CLN6: variants seen among roughly 807,000 people sequenced by gnomAD.
The protein encoded by CLN6 is CLN6 transmembrane ER protein, also known as ceroid-lipofuscinosis neuronal protein 6.
In CLN6, 22 loss-of-function variants were observed where a neutral mutation model predicts 33.3. The ratio of observed to expected loss-of-function variants is 0.66; its 90% confidence interval spans 0.47 to 0.94. The LOEUF (loss-of-function observed/expected upper bound fraction) is 0.94, where lower values mean the gene tolerates loss of function less well. Ranked by LOEUF, CLN6 falls within the 40% of genes least tolerant of loss-of-function variation. The pLI is 0.00. For synonymous variants in CLN6, 201 were observed against 174.6 expected, an observed-to-expected ratio of 1.15 and a Z score of -1.19; for missense variants, 387 against 417.1, an observed-to-expected ratio of 0.93 and a Z score of 0.63.
Position 68,211,716 on chromosome 15 carries a change from G to A in CLN6, c.445C>T (p.Arg149Cys), listed in dbSNP as rs747229909. The A allele has an allele frequency of 2.2e-5, 36 of 1,613,806 alleles. No homozygotes were observed. Among genetic ancestry groups the A allele is most frequent in the East Asian group, 6.7e-5 (3 of 44,882 alleles). ...FSGYQHHLSV[R>C]ENPIIKNLKP... ...AGATTCTTGATGATGGGGTTCTCACGGACAGACAGGTGGTGCTGGTAGCCA... is the reference window on the plus strand; with the variant it reads ...AGATTCTTGATGATGGGGTTCTCACAGACAGACAGGTGGTGCTGGTAGCCA... Residue 149 changes from arginine to cysteine, a missense_variant, in exon 4 of 7, where the codon CGT becomes TGT. Arg to Cys is a radical substitution (Grantham distance 180, BLOSUM62 -3). Coordinates refer to ENST00000249806, the MANE Select transcript of CLN6 (RefSeq NM_017882.3). This position sits in a 1 kb window ranked among gnomAD's most constrained non-coding sequence, Gnocchi z 5.9.
upstream of CLN6, among the ~76,000 whole-genome samples, chr15:68,233,197 C>A (rs1892182266): frequency 6.6e-6 from 1 of 151,974 alleles, no homozygotes; most frequent in Non-Finnish European, 1.5e-5. This position sits in a 1 kb window ranked among gnomAD's most constrained non-coding sequence, Gnocchi z 4.3. Context: ...AGCCACCACA[C>A]TCCCCAATAC....
rs1892442904 is a variant in CLN6, at chr15:68,256,839, TC to T, written c.29del (p.Arg10GlnfsTer24). On this transcript the variant is annotated frameshift_variant, in exon 1 of 7. Coordinates refer to the CLN6 transcript ENST00000538696. LOFTEE classifies it high-confidence loss of function. This position sits in a 1 kb window ranked among gnomAD's most constrained non-coding sequence, Gnocchi z 4.1. ...TCTCTGGCCGGGGCCTGCCTCTCGC[TC>T]GCCGCTCCTTCCCGGCAACGGCTGC... The T allele has an allele frequency of 1.5e-6, 1 of 662,002 alleles. No individual in the cohort carries two copies. 41.0% of individuals were successfully genotyped at this position (662,002 alleles called of 1,614,324 possible). A position where few individuals can be genotyped will look rare whatever the true frequency, so the allele number is the denominator to read the frequency against.
chr15:68,254,557 G>C (rs1016780469), intron 1 of CLN6: 5 of 495,268 alleles, frequency 1.0e-5, no homozygotes, highest in African/African-American at 9.7e-5. Flanking sequence ...GTGTGAAAAA[G>C]AGGTGAGAAC....
intron 1 of CLN6, among the ~76,000 whole-genome samples, chr15:68,225,287 T>A (rs2093248597): frequency 6.6e-6 from 1 of 152,240 alleles, no homozygotes; most frequent in African/African-American, 2.4e-5. Context: ...ATTTATTAAA[T>A]ACATGGCTTA....
Position 68,208,197 on chromosome 15 carries a change from G to A in CLN6, c.879C>T (p.Val293=), listed in dbSNP as rs1410550561. Residue 293 remains valine (V), a synonymous_variant, in exon 7 of 7, where the codon GTC becomes GTT. Coordinates refer to ENST00000249806, the MANE Select transcript of CLN6 (RefSeq NM_017882.3). This position sits in a 1 kb window ranked among gnomAD's most constrained non-coding sequence, Gnocchi z 5.8. Reference sequence around the variant, plus strand: ...AAGCCCAGGGCTCAGGGACGTAGATGACACCCGGGTACTTCTTCCTGAGAA... The same window carrying A: ...AAGCCCAGGGCTCAGGGACGTAGATAACACCCGGGTACTTCTTCCTGAGAA... ...DPVLRKKYPG[V]IYVPEPWAFY... is the part of the protein sequence containing the mutation. 18 of 1,605,798 alleles carry A rather than the reference G, an allele frequency of 1.1e-5. No individual in the cohort carries two copies. Among genetic ancestry groups the A allele is most frequent in the Non-Finnish European group, 1.5e-5 (18 of 1,175,044 alleles).
chr15:68,251,936 CGTGTGTATGTGT>C (rs1462093895), intron 1 of CLN6, among the ~76,000 whole-genome samples: 5 of 140,164 alleles, frequency 3.6e-5, no homozygotes, highest in Non-Finnish European at 7.7e-5. Flanking sequence ...CTAGCATGTG[CGTGTGTATGTGT>C]GTGTGTGTAT....
At chr15:68,218,866 A>G (rs2093227893) in intron 1 of CLN6, among the ~76,000 whole-genome samples, 1 of 152,144 alleles carries the variant, frequency 6.6e-6, no homozygotes, top group African/African-American at 2.4e-5. Context: ...CTTCTCTCTG[A>G]TTCAGGAAGG....
chr15:68,226,611 C>T (rs979938580), intron 1 of CLN6, among the ~76,000 whole-genome samples: 5 of 151,940 alleles, frequency 3.3e-5, no homozygotes, highest in Non-Finnish European at 4.4e-5. Flanking sequence ...GGACTACATG[C>T]GCATGACACC....
rs1242005796 is a variant in CLN6 at position 68,229,641 on chromosome 15, G to C, written c.-57C>G. The C allele has an allele frequency of 2.5e-5, 33 of 1,345,074 alleles. No homozygotes were observed. Among genetic ancestry groups the C allele is most frequent in the Admixed American group, 3.1e-5 (1 of 32,028 alleles). The allele number at this position is 1,345,074 out of a possible 1,614,324, so 83.3% of individuals were successfully genotyped here. On this transcript the variant is annotated 5_prime_UTR_variant, in exon 1 of 7. Coordinates refer to ENST00000249806, the MANE Select transcript of CLN6 (RefSeq NM_017882.3). ...TCCGAGGAAGAGACCGGTTCAGCTC[G>C]GCTGCCCCGGCGGAGGCCGCCGCAA...
intron 2 of CLN6, 101 bp from the exon 3 acceptor site, chr15:68,214,489 TCACCCCC>T: frequency 1.3e-6 from 1 of 757,954 alleles, no homozygotes; most frequent in Non-Finnish European, 2.4e-6. Flanking sequence ...CCAACTCCTT[TCACCCCC>T]CACCCCATCA....
Position 68,221,520 on chromosome 15 carries a change from G to A in CLN6, c.84-2870C>T, listed in dbSNP as rs540538434. ...GTGCTGGGATTGCAGACGGAGTCTC[G>A]CTCACTCAATGCTCAATGTTGCCCA... On this transcript the variant is annotated intron_variant, in intron 1 of 6. Transcript: ENST00000249806. Among the ~76,000 whole-genome samples, 34 of 152,144 alleles carry A rather than the reference G, an allele frequency of 2.2e-4. 1 individual carries two copies. The South Asian group carries it at 4.2e-3, about 19-fold the overall frequency.
Position 68,207,828 on chromosome 15 carries a change from G to A in CLN6, c.*312C>T, listed in dbSNP as rs747144655. Reference sequence around the variant, plus strand: ...AGAACAGACTAGCCCTGAGTAGGGAGTGTGGTCAGGTGCAGAGGAGGGCAG... The same window carrying A: ...AGAACAGACTAGCCCTGAGTAGGGAATGTGGTCAGGTGCAGAGGAGGGCAG... On this transcript the variant is annotated 3_prime_UTR_variant, in exon 7 of 7. Transcript: ENST00000249806. 6.1e-4 allele frequency: 265 copies of A among 431,646 alleles called. 1 individual carries two copies. The highest frequency in any genetic ancestry group is 9.0e-4 in the Non-Finnish European group (207 of 230,876). The allele number at this position is 431,646 out of a possible 1,614,324, so 26.7% of individuals were successfully genotyped here.
chr15:68,209,394 A>G lies in CLN6; in HGVS notation c.665+243T>C, dbSNP rs568622956. On this transcript the variant is annotated intron_variant, in intron 6 of 6. Transcript: ENST00000249806. The surrounding 1 kb of genome is among the most constrained non-coding windows in gnomAD (Gnocchi z 4.9). ...GAGCGAGAGGGGCTTGAGGATGGAG[A>G]CAGACTGTGCAACCTCGCCCTCTCC... Among the ~76,000 whole-genome samples, 26 of 152,158 alleles carry G rather than the reference A, an allele frequency of 1.7e-4. No homozygotes were observed. The highest frequency in any genetic ancestry group is 5.2e-4 in the Admixed American group (8 of 15,298).
At chr15:68,218,096 A>C (rs2093225475) in intron 2 of CLN6, 2 of 210,334 alleles carry the variant, frequency 9.5e-6, no homozygotes, top group Middle Eastern at 2.0e-3. Flanking sequence ...TAATATGCAA[A>C]ATCAGCCTAC....
intron 1 of CLN6, among the ~76,000 whole-genome samples, chr15:68,243,317 G>A (rs1892295166): frequency 6.6e-6 from 1 of 152,208 alleles, no homozygotes; most frequent in African/African-American, 2.4e-5. Context: ...CCAGAATCTC[G>A]GCCTACTTTT....
rs900539974 is a variant in CLN6, at chr15:68,242,045, A to T, written c.179+14645T>A. On this transcript the variant is annotated intron_variant, in intron 1 of 6. Transcript: ENST00000538696. This position sits in a 1 kb window ranked among gnomAD's most constrained non-coding sequence, Gnocchi z 5.0. ...GCAAAGATGTAGATGTATATCCACA[A>T]GAAATAACAGGAAACAGGAAACCAT... Among the ~76,000 whole-genome samples, 12 of 152,212 alleles carry T rather than the reference A, an allele frequency of 7.9e-5. No homozygotes were observed. Among genetic ancestry groups the T allele is most frequent in the Non-Finnish European group, 8.8e-5 (6 of 68,032 alleles).
In CLN6 at chr15:68,256,786, C is replaced by G. The variant is rs1892442160; in HGVS notation, c.83G>C (p.Gly28Ala). ...GGCTCGGCTCAAGCCCGCCTCGCCT[C>G]CCTCCCTCCTAGGGATGGCTCCCAG... is the stretch of plus-strand genomic sequence containing the variant. The change falls in exon 1 of 7, where the codon GGA becomes GCA. Residue 28 changes from glycine (G) to alanine (A), a missense_variant. Coordinates refer to the CLN6 transcript ENST00000538696. This position sits in a 1 kb window ranked among gnomAD's most constrained non-coding sequence, Gnocchi z 4.1. 1 of 702,086 alleles carries G rather than the reference C, an allele frequency of 1.4e-6. No homozygotes were observed. The highest frequency in any genetic ancestry group is 2.7e-5 in the East Asian group (1 of 37,248). 43.5% of individuals were successfully genotyped at this position (702,086 alleles called of 1,614,324 possible).
upstream of CLN6, among the ~76,000 whole-genome samples, chr15:68,234,702 T>A (rs1394263003): frequency 1.3e-5 from 2 of 152,176 alleles, no homozygotes; most frequent in Non-Finnish European, 2.9e-5. The surrounding 1 kb of genome is among the most constrained non-coding windows in gnomAD (Gnocchi z 4.1). Flanking sequence ...TTCTTTTTCC[T>A]TATAATTTCT....
Position 68,209,667 on chromosome 15 carries a change from A to G in CLN6, c.635T>C (p.Leu212Pro), listed in dbSNP as rs766335298. 5 of 1,613,490 alleles carry G rather than the reference A, an allele frequency of 3.1e-6. No individual in the cohort carries two copies. The highest frequency in any genetic ancestry group is 4.2e-6 in the Non-Finnish European group (5 of 1,179,958). The change falls in exon 6 of 7, where the codon CTC becomes CCC. Residue 212 changes from leucine to proline, a missense_variant. Coordinates refer to ENST00000249806, the MANE Select transcript of CLN6 (RefSeq NM_017882.3). The surrounding 1 kb of genome is among the most constrained non-coding windows in gnomAD (Gnocchi z 4.9). ...AESLIPGPAL[L>P]LVAPSGLYYW... is the part of the protein sequence containing the mutation. ...GTACAGGCCACTGGGTGCCACCAGG[A>G]GCAGGGCAGGCCCTGGAATCAAGCT...
Sources: gnomAD v4.1 joint callset for allele counts (sites outside exome capture counted in the v4.1 genomes callset) on GRCh38, gnomAD v4.1.1 for gene constraint, Gnocchi (gnomAD v3.1) non-coding constraint, MANE v1.5 for transcripts, NCBI Gene and HGNC (gene_info 2026-07-23, HGNC 2026-07-21) for gene names.